AIDA: variants seen among roughly 807,000 people sequenced by gnomAD.
The protein encoded by AIDA is axin interactor, dorsalization associated.
In AIDA, 18 loss-of-function variants were observed where a neutral mutation model predicts 42.7. That is an observed-to-expected ratio of 0.42 (90% CI 0.29 to 0.63). AIDA has a LOEUF of 0.63. AIDA is among the 20% of genes least tolerant of loss of function. The pLI is 0.19. For missense variants in AIDA, 250 were observed against 354.1 expected (o/e 0.71, Z 2.36); for synonymous variants, 104 against 122.9 (o/e 0.85, Z 1.02).
Position 222,712,491 on chromosome 1 carries a change from G to A in AIDA, c.-174C>T. ...CCATTTGCCGCCACAGCCAAACTTT[G>A]CGGCTCCAAAGCGACCGCCCCGCCG... On this transcript the variant is annotated 5_prime_UTR_variant, in exon 1 of 10. Coordinates refer to ENST00000340020, the MANE Select transcript of AIDA (RefSeq NM_022831.4). 1.4e-6 allele frequency: 2 copies of A among 1,416,076 alleles called. No homozygotes were observed. Among genetic ancestry groups the A allele is most frequent in the South Asian group, 1.5e-5 (1 of 66,308 alleles). 87.7% of individuals were successfully genotyped at this position (1,416,076 alleles called of 1,614,324 possible). A position where few individuals can be genotyped will look rare whatever the true frequency, so the allele number is the denominator to read the frequency against.
chr1:222,691,885 T>C (rs1378591927), intron 4 of AIDA, among the ~76,000 whole-genome samples: 2 of 152,202 alleles, frequency 1.3e-5, no homozygotes, highest in East Asian at 1.9e-4. Context: ...CTTCCCTTTG[T>C]ATTGTAATAG....
chr1:222,712,155 G>A, intron 1 of AIDA, 53 bp downstream of exon 1: 1 of 1,552,394 alleles, frequency 6.4e-7, no homozygotes, highest in Non-Finnish European at 8.7e-7. Context: ...AGAAACAAGG[G>A]AGAGGCGCAC....
chr1:222,712,137 A>T, intron 1 of AIDA, 71 bp downstream of exon 1: 2 of 1,546,620 alleles, frequency 1.3e-6, no homozygotes, highest in Middle Eastern at 3.3e-4. Context: ...GTGATGAGAG[A>T]CACCGACAGA....
chr1:222,696,252 G>A (rs1655520459), intron 2 of AIDA, among the ~76,000 whole-genome samples: 1 of 152,160 alleles, frequency 6.6e-6, no homozygotes, highest in Non-Finnish European at 1.5e-5. Flanking sequence ...ATAGAAACCA[G>A]CAAATAGTCT....
chr1:222,705,323 TCTAA>T (rs1000538332), intron 1 of AIDA, among the ~76,000 whole-genome samples: 11 of 152,348 alleles, frequency 7.2e-5, no homozygotes, highest in Middle Eastern at 3.4e-3. Context: ...TGGTTTCTTT[TCTAA>T]CTCTTACTGG....
intron 6 of AIDA, among the ~76,000 whole-genome samples, chr1:222,677,676 T>C (rs1019312284): frequency 1.3e-5 from 2 of 152,182 alleles, no homozygotes; most frequent in Non-Finnish European, 2.9e-5. Context: ...ATCATGGGAT[T>C]CTTCTCCTTA....
chr1:222,698,648 T>A (rs915765691), intron 2 of AIDA, among the ~76,000 whole-genome samples: 1 of 151,454 alleles, frequency 6.6e-6, no homozygotes, highest in African/African-American at 2.4e-5. Flanking sequence ...ACGGGGTTTC[T>A]CCGTGTTGGG....
At chr1:222,699,624 T>C (rs1037195629) in intron 2 of AIDA, among the ~76,000 whole-genome samples, 3 of 152,176 alleles carry the variant, frequency 2.0e-5, no homozygotes, top group Non-Finnish European at 2.9e-5. Flanking sequence ...TTCCCCAGAA[T>C]ACACCTGGAA....
intron 2 of AIDA, among the ~76,000 whole-genome samples, chr1:222,699,952 A>T (rs1655642986): frequency 6.6e-6 from 1 of 151,998 alleles, no homozygotes; most frequent in South Asian, 2.1e-4. Flanking sequence ...TTGTATTTTT[A>T]GTAGAGACGG....
At chr1:222,671,884 G>C (rs1469324886) in intron 8 of AIDA, among the ~76,000 whole-genome samples, 2 of 152,156 alleles carry the variant, frequency 1.3e-5, no homozygotes, top group African/African-American at 4.8e-5. Context: ...CTTGAGGTCT[G>C]AATAAATGTG....
intron 8 of AIDA, among the ~76,000 whole-genome samples, chr1:222,672,723 C>G (rs1287613692): frequency 6.6e-6 from 1 of 152,202 alleles, no homozygotes; most frequent in East Asian, 1.9e-4. Flanking sequence ...GAATATCCTA[C>G]AGAGCTTGAA....
At chr1:222,670,279 C>A in intron 8 of AIDA, 29 bp from the exon 9 acceptor site, 1 of 1,531,860 alleles carries the variant, frequency 6.5e-7, no homozygotes, top group Non-Finnish European at 9.0e-7. Context: ...CCACATAAAC[C>A]ACAGATAGCA....
In AIDA at chr1:222,697,005, C is replaced by T. The variant is rs374954667; in HGVS notation, c.181-2742G>A. Among the ~76,000 whole-genome samples the T allele has an allele frequency of 6.2e-4, 94 of 152,090 alleles. 4 individuals carry two copies. The South Asian group carries it at 0.011, about 19-fold the overall frequency. Reference sequence around the variant, plus strand: ...TTGCCCAGGCTGGTGTGCAGTGGCACGGTCTCAGCTTACTGCAACCTCCGC... The same window carrying T: ...TTGCCCAGGCTGGTGTGCAGTGGCATGGTCTCAGCTTACTGCAACCTCCGC... On this transcript the variant is annotated intron_variant, in intron 2 of 9. Coordinates refer to ENST00000340020, the MANE Select transcript of AIDA (RefSeq NM_022831.4).
intron 4 of AIDA, among the ~76,000 whole-genome samples, chr1:222,693,276 G>T (rs778275163): frequency 5.9e-5 from 9 of 152,032 alleles, no homozygotes; most frequent in Non-Finnish European, 7.4e-5. Flanking sequence ...ATATTGCAAA[G>T]AACATTCATC....
At chr1:222,684,216 A>AT (rs1048128646) in intron 6 of AIDA, among the ~76,000 whole-genome samples, 88 of 152,182 alleles carry the variant, frequency 5.8e-4, no homozygotes, top group African/African-American at 2.0e-3. Context: ...GGTTCCAGCA[A>AT]TTCTCCTGCC....
intron 5 of AIDA, among the ~76,000 whole-genome samples, chr1:222,687,344 T>C (rs1655227554): frequency 6.6e-6 from 1 of 152,062 alleles, no homozygotes; most frequent in Non-Finnish European, 1.5e-5. Flanking sequence ...GGCAGGAGAA[T>C]TGCTTGAACC....
intron 6 of AIDA, among the ~76,000 whole-genome samples, chr1:222,677,820 T>G (rs1003479397): frequency 5.9e-5 from 9 of 152,204 alleles, no homozygotes; most frequent in African/African-American, 2.2e-4. Flanking sequence ...TGGCTATTTA[T>G]TCAGCCAATC....
intron 2 of AIDA, among the ~76,000 whole-genome samples, chr1:222,699,318 T>C (rs557131052): frequency 5.9e-5 from 9 of 152,362 alleles, no homozygotes; most frequent in Admixed American, 5.2e-4. Flanking sequence ...TCCATTTTCC[T>C]CTTTTGAAGA....
chr1:222,671,006 C>T (rs1453410639), intron 8 of AIDA, among the ~76,000 whole-genome samples: 2 of 152,054 alleles, frequency 1.3e-5, no homozygotes, highest in Non-Finnish European at 2.9e-5. Flanking sequence ...ATCACTTGAG[C>T]CCAGGAGTTT....
Sources: allele counts gnomAD v4.1 joint callset (sites outside exome capture counted in the v4.1 genomes callset), GRCh38; gene constraint gnomAD v4.1.1; transcripts MANE v1.5; gene names NCBI Gene and HGNC (gene_info 2026-07-23, HGNC 2026-07-21).